The following RHOBTB2 variants were observed in gnomAD, a reference collection of about 807,000 sequenced individuals.
RHOBTB2 encodes the protein Rho related BTB domain containing 2, also known as rho-related BTB domain-containing protein 2.
In RHOBTB2, 39 loss-of-function variants were observed where a neutral mutation model predicts 66.5. That is an observed-to-expected ratio of 0.59 (90% CI 0.45 to 0.77). RHOBTB2 has a LOEUF of 0.77. RHOBTB2 is among the 30% of genes least tolerant of loss of function. RHOBTB2 has a pLI of 0.00. For synonymous variants in RHOBTB2, 390 were observed against 395.0 expected (o/e 0.99, Z 0.15); for missense variants, 755 against 999.1 (o/e 0.76, Z 3.29).
upstream of RHOBTB2, among the ~76,000 whole-genome samples, chr8:22,996,292 G>T (rs1810554175): frequency 6.6e-6 from 1 of 152,132 alleles, no homozygotes; most frequent in Non-Finnish European, 1.5e-5. Context: ...AGGGGCAGGA[G>T]ATTGTAGAAT....
chr8:22,991,951 T>G (rs970280455), intron 1 of RHOBTB2: 3 of 152,244 alleles, frequency 2.0e-5, no homozygotes, highest in Admixed American at 6.5e-5. Context: ...TCCAAGTGTT[T>G]ACTACACAGA....
the RHOBTB2 span, among the ~76,000 whole-genome samples, chr8:22,977,029 A>G: frequency 6.6e-6 from 1 of 150,582 alleles, no homozygotes; most frequent in African/African-American, 2.4e-5. Context: ...CTGAGGTGGA[A>G]GAGTTGCTTG....
At chr8:23,000,137 G>A in intron 1 of RHOBTB2, 32 bp downstream of exon 1, 1 of 985,322 alleles carries the variant, frequency 1.0e-6, no homozygotes, top group Non-Finnish European at 1.2e-6. Context: ...GTTATGGCGG[G>A]GTGGCCAGCA....
the RHOBTB2 span, among the ~76,000 whole-genome samples, chr8:22,958,802 G>GAAAAAAAA: frequency 1.9e-5 from 1 of 52,188 alleles, no homozygotes; most frequent in African/African-American, 7.6e-5. Context: ...GCCCCTCTCT[G>GAAAAAAAA]AAAAAAAAAA....
the RHOBTB2 span, among the ~76,000 whole-genome samples, chr8:22,978,729 G>T: frequency 6.6e-6 from 1 of 152,002 alleles, no homozygotes; most frequent in South Asian, 2.1e-4. Flanking sequence ...CATGTTCATT[G>T]ACTGTATTTA....
At chr8:22,994,648 C>T (rs959497909), upstream of RHOBTB2, 4 of 1,547,786 alleles carry the variant, frequency 2.6e-6, no homozygotes, top group African/African-American at 1.4e-5. Context: ...ATGTGAGTAG[C>T]TACTGTGTAC....
the RHOBTB2 span, among the ~76,000 whole-genome samples, chr8:22,956,588 C>T: frequency 6.6e-6 from 1 of 152,194 alleles, no homozygotes; most frequent in Non-Finnish European, 1.5e-5. Flanking sequence ...GCTTCCTGTA[C>T]AGCCTGTGGA....
At chr8:22,961,333 A>C in the RHOBTB2 span, among the ~76,000 whole-genome samples, 1 of 152,122 alleles carries the variant, frequency 6.6e-6, no homozygotes, top group Non-Finnish European at 1.5e-5. Flanking sequence ...TAATCAGACC[A>C]TGTTCAAATG....
In RHOBTB2 at chr8:23,007,735, G is replaced by C. The variant is rs550141841; in HGVS notation, c.1490G>C (p.Gly497Ala). ...TNRVKECLAK[G>A]TFSDVTFILD... ...CGGGTTAAGGAGTGCTTGGCAAAAGGCACCTTCTCAGGTATGGAACAGGCT... is the reference window on the plus strand; with the variant it reads ...CGGGTTAAGGAGTGCTTGGCAAAAGCCACCTTCTCAGGTATGGAACAGGCT... Residue 497 changes from glycine (G) to alanine (A), a missense_variant, in exon 5 of 10, where the codon GGC (glycine) becomes GCC (alanine). Coordinates refer to ENST00000251822, the MANE Select transcript of RHOBTB2 (RefSeq NM_015178.3). 3.1e-6 allele frequency: 5 copies of C among 1,613,532 alleles called. No individual in the cohort carries two copies. The East Asian group carries it at 6.7e-5, about 22-fold the overall frequency.
rs1585189111 is a variant in RHOBTB2, at chr8:23,004,358, T to A, written c.-10-67T>A. 7.3e-7 allele frequency: 1 copy of A among 1,367,210 alleles called. No homozygotes were observed. The highest frequency in any genetic ancestry group is 1.7e-5 in the Admixed American group (1 of 58,486). The allele number at this position is 1,367,210 out of a possible 1,614,324, so 84.7% of individuals were successfully genotyped here. A position where few individuals can be genotyped will look rare whatever the true frequency, so the allele number is the denominator to read the frequency against. On this transcript the variant is annotated intron_variant, in intron 1 of 9. Coordinates refer to ENST00000251822, the MANE Select transcript of RHOBTB2 (RefSeq NM_015178.3). This position sits in a 1 kb window ranked among gnomAD's most constrained non-coding sequence, Gnocchi z 6.4. ...CAGCCTGGCTGAGGAGAGCTGCGGGTGCTGGCCCTGGCCCACGGCGAGCTG... is the reference window on the plus strand; with the variant it reads ...CAGCCTGGCTGAGGAGAGCTGCGGGAGCTGGCCCTGGCCCACGGCGAGCTG...
At chr8:23,009,364 G>A (rs1416300675) in intron 6 of RHOBTB2, among the ~76,000 whole-genome samples, 1 of 152,116 alleles carries the variant, frequency 6.6e-6, no homozygotes, top group African/African-American at 2.4e-5. Flanking sequence ...TATTCTCTTA[G>A]GTTTGGTCTC....
chr8:22,999,158 GC>G (rs1005248012), upstream of RHOBTB2: 2 of 141,848 alleles, frequency 1.4e-5, no homozygotes, highest in Non-Finnish European at 3.1e-5. Context: ...CCCGCCCCCC[GC>G]CCCCCCGACT....
chr8:23,008,237 G>A (rs935467386), intron 6 of RHOBTB2, 126 bp downstream of exon 6: 2 of 691,862 alleles, frequency 2.9e-6, no homozygotes, highest in Admixed American at 2.6e-5. Flanking sequence ...ATGGGCCCAA[G>A]AGAGGTTTAT....
chr8:23,017,150 T>A lies in RHOBTB2; in HGVS notation c.1967-102T>A. On this transcript the variant is annotated intron_variant, in intron 9 of 9. Coordinates refer to ENST00000251822, the MANE Select transcript of RHOBTB2 (RefSeq NM_015178.3). This position sits in a 1 kb window ranked among gnomAD's most constrained non-coding sequence, Gnocchi z 5.3. ...CATGGGGATGTGCTGGGGGCTGGGC[T>A]GGAGGCCTGCTGCAGGCCTTGTGGT... is the stretch of plus-strand genomic sequence containing the variant. The A allele has an allele frequency of 6.9e-7, 1 of 1,449,954 alleles. No homozygotes were observed. Among genetic ancestry groups the A allele is most frequent in the Non-Finnish European group, 9.5e-7 (1 of 1,050,600 alleles). The allele number at this position is 1,449,954 out of a possible 1,614,324, so 89.8% of individuals were successfully genotyped here.
the RHOBTB2 span, among the ~76,000 whole-genome samples, chr8:22,954,266 A>G: frequency 9.7e-3 from 1,479 of 152,372 alleles, 31 homozygotes; most frequent in African/African-American, 0.034. Context: ...GGCTTCTTCC[A>G]CAGCAGGAAA....
In RHOBTB2 at chr8:23,016,062, A is replaced by G. The variant is rs876436; in HGVS notation, c.1966+319A>G. On this transcript the variant is annotated intron_variant, in intron 9 of 9. Transcript: ENST00000251822. ...TCTTGTGACCCAGGACACATATAGG[A>G]AAATATATACATCTTTCTAATGCTG... 4.0e-3 allele frequency among the ~76,000 whole-genome samples: 617 copies of G among 152,354 alleles called. 4 individuals carry two copies. Among genetic ancestry groups the G allele is most frequent in the African/African-American group, 0.014 (571 of 41,570 alleles).
At chr8:23,013,490 T>C (rs1811204725) in intron 7 of RHOBTB2, among the ~76,000 whole-genome samples, 1 of 152,002 alleles carries the variant, frequency 6.6e-6, no homozygotes, top group Non-Finnish European at 1.5e-5. Flanking sequence ...TTTTGCATTA[T>C]TTTTTACTTT....
rs1388040218 is a variant in RHOBTB2 at position 23,017,358 on chromosome 8, C to G, written c.2073C>G (p.Leu691=). 2 of 1,614,172 alleles carry G rather than the reference C, an allele frequency of 1.2e-6. No individual in the cohort carries two copies. The highest frequency in any genetic ancestry group is 2.2e-5 in the South Asian group (2 of 91,084). ...ARKEREKEDY[L]HLKRQPKRRW... The stretch of plus-strand genomic sequence containing the variant: ...AGGAGCGTGAGAAGGAGGACTACCT[C>G]CACCTCAAGCGGCAGCCCAAACGGC... The change falls in exon 10 of 10, where the codon CTC becomes CTG. Residue 691 remains leucine (L), a synonymous_variant. Transcript: ENST00000251822. This position sits in a 1 kb window ranked among gnomAD's most constrained non-coding sequence, Gnocchi z 5.3.
At chr8:22,996,234 G>T (rs934697841), upstream of RHOBTB2, among the ~76,000 whole-genome samples, 1 of 152,174 alleles carries the variant, frequency 6.6e-6, no homozygotes, top group African/African-American at 2.4e-5. Flanking sequence ...CACTGGGGAG[G>T]TGGGTCACAA....
Sources: gnomAD v4.1 joint callset for allele counts (sites outside exome capture counted in the v4.1 genomes callset) on GRCh38, gnomAD v4.1.1 for gene constraint, Gnocchi (gnomAD v3.1) non-coding constraint, MANE v1.5 for transcripts, NCBI Gene and HGNC (gene_info 2026-07-23, HGNC 2026-07-21) for gene names.